The following CDH22 variants were observed in gnomAD, a reference collection of about 807,000 sequenced individuals.
The protein encoded by CDH22 is cadherin 22.
CDH22 carries 30 observed loss-of-function variants against 58.4 expected under a neutral mutation model. The ratio of observed to expected loss-of-function variants is 0.51; its 90% CI spans 0.38 to 0.70. CDH22 has a LOEUF of 0.70. Among genes scored for constraint, CDH22 ranks in the 30% least tolerant of loss-of-function variants. The pLI is 0.00. For synonymous variants in CDH22, 513 were observed against 558.2 expected, an observed-to-expected ratio of 0.92 and a Z score of 1.14; for missense variants, 1,014 against 1,233.9, an observed-to-expected ratio of 0.82 and a Z score of 2.67.
Position 46,210,440 on chromosome 20 carries a change from C to T in CDH22, c.1153G>A (p.Val385Met). Reference sequence around the variant, plus strand: ...TCGGGGGGCTCGTCCACGTCGGTCACGGCCACGCGCACGATCGCCTGGTCG... The same window carrying T: ...TCGGGGGGCTCGTCCACGTCGGTCATGGCCACGCGCACGATCGCCTGGTCG... ...FRDQAIVRVAVTDVDEPPEFR... is the reference protein window; with the variant it reads ...FRDQAIVRVAMTDVDEPPEFR... Residue 385 changes from valine to methionine, a missense_variant, in exon 7 of 12, where the codon GTG (valine) becomes ATG (methionine). Transcript: ENST00000537909. This position sits in a 1 kb window ranked among gnomAD's most constrained non-coding sequence, Gnocchi z 4.5. 1 of 1,446,992 alleles carries T rather than the reference C, an allele frequency of 6.9e-7. No individual in the cohort carries two copies. The highest frequency in any genetic ancestry group is 9.1e-7 in the Non-Finnish European group (1 of 1,098,762). 89.6% of individuals were successfully genotyped at this position (1,446,992 alleles called of 1,614,324 possible). A position where few individuals can be genotyped will look rare whatever the true frequency, so the allele number is the denominator to read the frequency against.
At position 46,174,451 on chromosome 20, in the gene CDH22, G is replaced by A. The variant is rs2085719379; in HGVS notation, c.*55C>T. The stretch of plus-strand genomic sequence containing the variant: ...CGCGGGGGAAACGCGTTGTCCTGGG[G>A]CCCCGGCGTGTGCTGGGCGGGTGAG... On this transcript the variant is annotated 3_prime_UTR_variant, in exon 12 of 12. Transcript: ENST00000537909. The surrounding 1 kb of genome is among the most constrained non-coding windows in gnomAD (Gnocchi z 4.4). The A allele has an allele frequency of 3.2e-6, 4 of 1,250,828 alleles. No homozygotes were observed. Among genetic ancestry groups the A allele is most frequent in the South Asian group, 1.6e-5 (1 of 60,922 alleles). The allele number at this position is 1,250,828 out of a possible 1,614,324, so 77.5% of individuals were successfully genotyped here.
At chr20:46,232,943 C>T (rs1464482085) in intron 3 of CDH22, among the ~76,000 whole-genome samples, 1 of 152,092 alleles carries the variant, frequency 6.6e-6, no homozygotes, top group Non-Finnish European at 1.5e-5. Flanking sequence ...GAGAAGGCAG[C>T]ACAGAGAGAG....
intron 1 of CDH22, among the ~76,000 whole-genome samples, chr20:46,302,204 G>T (rs1371191759): frequency 1.3e-5 from 2 of 152,188 alleles, no homozygotes; most frequent in Non-Finnish European, 2.9e-5. Context: ...CTGCCTTCAA[G>T]ATCTTCTCAT....
rs563530207 is a variant in CDH22 at position 46,257,250 on chromosome 20, T to G, written c.-399-5557A>C. On this transcript the variant is annotated intron_variant, in intron 1 of 11. Transcript: ENST00000537909. Reference sequence around the variant, plus strand: ...CACCTGAGCTTGGGGAGGTCGAGGCTGCAATGAGACATGATCACACCAGCC... The same window carrying G: ...CACCTGAGCTTGGGGAGGTCGAGGCGGCAATGAGACATGATCACACCAGCC... Among the ~76,000 whole-genome samples, 12 of 150,900 alleles carry G rather than the reference T, an allele frequency of 8.0e-5. 1 individual carries two copies. The South Asian group carries it at 2.3e-3, about 29-fold the overall frequency.
At position 46,210,187 on chromosome 20, in the gene CDH22, A is replaced by G. The variant is rs2272967; in HGVS notation, c.1286+120T>C. ...GCCTCTCTCCGCGCCTCCCTCCCCC[A>G]CGCAGCCCCTTCCTTCGGCCCTGCC... On this transcript the variant is annotated intron_variant, in intron 7 of 11. Transcript: ENST00000537909. The surrounding 1 kb of genome is among the most constrained non-coding windows in gnomAD (Gnocchi z 4.5). 0.035 allele frequency: 37,130 copies of G among 1,071,374 alleles called. 2,421 individuals are homozygous for G. Among genetic ancestry groups the G allele is most frequent in the East Asian group, 0.33 (10,181 of 30,416 alleles). 66.4% of individuals were successfully genotyped at this position (1,071,374 alleles called of 1,614,324 possible). A position where few individuals can be genotyped will look rare whatever the true frequency, so the allele number is the denominator to read the frequency against.
rs1015548008 is a variant in CDH22, at chr20:46,268,738, A to G, written c.-399-17045T>C. 2.6e-5 allele frequency among the ~76,000 whole-genome samples: 4 copies of G among 152,356 alleles called. No homozygotes were observed. In the East Asian group the frequency reaches 7.7e-4, roughly 29 times the overall value. ...CTTCAGGGGCCAAGGCCGAGAGGTC[A>G]TAGTAACCCCAGCAATCATGAGAAC... On this transcript the variant is annotated intron_variant, in intron 1 of 11. Coordinates refer to ENST00000537909, the MANE Select transcript of CDH22 (RefSeq NM_021248.3).
chr20:46,192,899 C>A (rs2085871408), intron 8 of CDH22, among the ~76,000 whole-genome samples: 1 of 151,818 alleles, frequency 6.6e-6, no homozygotes, highest in Non-Finnish European at 1.5e-5. Flanking sequence ...CCTTGCACTC[C>A]CTGCCCTGTC....
At chr20:46,193,178 C>T (rs1246184076) in intron 8 of CDH22, among the ~76,000 whole-genome samples, 1 of 152,120 alleles carries the variant, frequency 6.6e-6, no homozygotes, top group Non-Finnish European at 1.5e-5. Flanking sequence ...GGCTGTCCTA[C>T]TCCATGTATA....
intron 3 of CDH22, among the ~76,000 whole-genome samples, chr20:46,240,443 C>T (rs2086281193): frequency 6.6e-6 from 1 of 151,998 alleles, no homozygotes; most frequent in Non-Finnish European, 1.5e-5. Context: ...GGGACTATGT[C>T]TGTGTGGAGG....
chr20:46,212,326 T>A (rs1011361049), intron 6 of CDH22, among the ~76,000 whole-genome samples: 1 of 152,134 alleles, frequency 6.6e-6, no homozygotes, highest in African/African-American at 2.4e-5. Flanking sequence ...GACTTAGACC[T>A]CCCATGGGAG....
At chr20:46,207,868 C>A (rs1362830404) in intron 7 of CDH22, among the ~76,000 whole-genome samples, 2 of 152,214 alleles carry the variant, frequency 1.3e-5, no homozygotes, top group Non-Finnish European at 2.9e-5. Context: ...CAGAAGTCTT[C>A]CCAGACTCCT....
chr20:46,226,248 T>C (rs543307290), intron 4 of CDH22, among the ~76,000 whole-genome samples: 1 of 10,588 alleles, frequency 9.4e-5, no homozygotes, highest in Non-Finnish European at 1.9e-4. Flanking sequence ...CTTCTTCTTC[T>C]TCTTCTTCTT....
At chr20:46,252,639 TCTC>T (rs1225525605) in intron 1 of CDH22, among the ~76,000 whole-genome samples, 1 of 152,156 alleles carries the variant, frequency 6.6e-6, no homozygotes, top group Non-Finnish European at 1.5e-5. Flanking sequence ...AATCCCCACT[TCTC>T]CTTCTCCTGA....
intron 7 of CDH22, among the ~76,000 whole-genome samples, chr20:46,202,350 GTTTAA>G (rs2085967432): frequency 6.8e-6 from 1 of 147,438 alleles, no homozygotes; most frequent in African/African-American, 2.6e-5. Flanking sequence ...CTCTCCCAGA[GTTTAA>G]TTTTTTTTTT....
Position 46,300,319 on chromosome 20 carries a change from A to G in CDH22, c.-400+7936T>C, listed in dbSNP as rs1342094828. Among the ~76,000 whole-genome samples, 1 of 151,988 alleles carries G rather than the reference A, an allele frequency of 6.6e-6. No homozygotes were observed. Among genetic ancestry groups the G allele is most frequent in the Non-Finnish European group, 1.5e-5 (1 of 67,980 alleles). Reference sequence around the variant, plus strand: ...GGCCCCGCTGTGAGGCCACAGTCCTATGTCTGGTTACCTGAGTCTGTCTGG... The same window carrying G: ...GGCCCCGCTGTGAGGCCACAGTCCTGTGTCTGGTTACCTGAGTCTGTCTGG... On this transcript the variant is annotated intron_variant, in intron 1 of 11. Transcript: ENST00000537909. This position sits in a 1 kb window ranked among gnomAD's most constrained non-coding sequence, Gnocchi z 4.4.
At chr20:46,181,523 G>T (rs1362616852) in intron 10 of CDH22, among the ~76,000 whole-genome samples, 3 of 152,018 alleles carry the variant, frequency 2.0e-5, no homozygotes, top group Non-Finnish European at 2.9e-5. Flanking sequence ...TGGAGGAGGA[G>T]GCAGGCGGTC....
rs576021922 is a variant in CDH22, at chr20:46,298,570, A to G, written c.-400+9685T>C. Among the ~76,000 whole-genome samples the G allele has an allele frequency of 2.6e-5, 4 of 152,132 alleles. No individual in the cohort carries two copies. The South Asian group carries it at 8.3e-4, about 32-fold the overall frequency. The stretch of plus-strand genomic sequence containing the variant: ...TGGGTGAGGGGTGAACTGCAGGCAG[A>G]TGGATGTTTAAATGGAGGTGGGTGG... On this transcript the variant is annotated intron_variant, in intron 1 of 11. Coordinates refer to ENST00000537909, the MANE Select transcript of CDH22 (RefSeq NM_021248.3).
intron 4 of CDH22, 21 bp downstream of exon 4, chr20:46,227,487 T>G: frequency 1.0e-6 from 1 of 970,636 alleles, no homozygotes; most frequent in Admixed American, 2.1e-5. Flanking sequence ...GCTCCGCCTC[T>G]GGCCCCGCCC....
At chr20:46,297,939 C>T (rs2086635941) in intron 1 of CDH22, among the ~76,000 whole-genome samples, 1 of 152,114 alleles carries the variant, frequency 6.6e-6, no homozygotes. Flanking sequence ...CCTTCGTCCT[C>T]TGCTCCACCA....
Sources: gnomAD v4.1 joint callset for allele counts (sites outside exome capture counted in the v4.1 genomes callset) on GRCh38, gnomAD v4.1.1 for gene constraint, Gnocchi (gnomAD v3.1) non-coding constraint, MANE v1.5 for transcripts, NCBI Gene and HGNC (gene_info 2026-07-23, HGNC 2026-07-21) for gene names.